The following IL1RAPL1 variants were observed in gnomAD, a reference collection of about 807,000 sequenced individuals.
IL1RAPL1 encodes the protein interleukin 1 receptor accessory protein like 1.
In IL1RAPL1, 3 loss-of-function variants were observed where a neutral mutation model predicts 48.4. The ratio of observed to expected loss-of-function variants is 0.06; its 90% CI spans 0.03 to 0.16. The LOEUF (loss-of-function observed/expected upper bound fraction) is 0.16, where lower values mean the gene tolerates loss of function less well. Among genes scored for constraint, IL1RAPL1 ranks in the 10% least tolerant of loss-of-function variants. The pLI is 1.00. For missense variants in IL1RAPL1, 349 were observed against 530.6 expected, an observed-to-expected ratio of 0.66 and a Z score of 3.36; for synonymous variants, 185 against 187.7, an observed-to-expected ratio of 0.99 and a Z score of 0.12.
chrX:28,844,637 T>C (rs1357986512), intron 2 of IL1RAPL1, among the ~76,000 whole-genome samples: 1 of 110,961 alleles, frequency 9.0e-6, no homozygotes, highest in African/African-American at 3.3e-5. Context: ...TCTAAGAAGA[T>C]GTAATAAGTC....
chrX:29,909,739 G>T (rs1257236936), intron 6 of IL1RAPL1, among the ~76,000 whole-genome samples: 2 of 109,866 alleles, frequency 1.8e-5, no homozygotes, highest in Non-Finnish European at 3.8e-5. Flanking sequence ...AAGTTTCAGT[G>T]CTATGATTAA....
chrX:29,746,940 A>T (rs1298106340), intron 6 of IL1RAPL1, among the ~76,000 whole-genome samples: 2 of 112,439 alleles, frequency 1.8e-5, no homozygotes, highest in East Asian at 5.5e-4. Flanking sequence ...ATGAAACCCT[A>T]TATTAAAAAA....
chrX:29,735,857 G>A (rs1057280796), intron 6 of IL1RAPL1, among the ~76,000 whole-genome samples: 1 of 112,329 alleles, frequency 8.9e-6, no homozygotes, highest in Non-Finnish European at 1.9e-5. Flanking sequence ...TCCCCCAATG[G>A]AAAATCAGTT....
intron 5 of IL1RAPL1, among the ~76,000 whole-genome samples, chrX:29,422,767 G>A (rs1934305885): frequency 9.0e-6 from 1 of 111,379 alleles, no homozygotes; most frequent in South Asian, 3.8e-4. Context: ...GTAAATGCTA[G>A]TTTCCTCCCT....
At chrX:28,852,032 A>G (rs1316561458) in intron 2 of IL1RAPL1, among the ~76,000 whole-genome samples, 1 of 111,873 alleles carries the variant, frequency 8.9e-6, no homozygotes, top group Non-Finnish European at 1.9e-5. Context: ...TTAAAATGCC[A>G]ATAGGAGGTA....
At chrX:28,956,591 C>G (rs1369343816) in intron 2 of IL1RAPL1, among the ~76,000 whole-genome samples, 16 of 101,084 alleles carry the variant, frequency 1.6e-4, no homozygotes, top group Middle Eastern at 4.5e-3. Context: ...TTGAACCAGC[C>G]TTGCATCCCA....
chrX:28,780,193 A>G (rs1316156113), intron 1 of IL1RAPL1, among the ~76,000 whole-genome samples: 1 of 111,206 alleles, frequency 9.0e-6, no homozygotes, highest in Non-Finnish European at 1.9e-5. Context: ...CCACCTTTCC[A>G]TGGAAAGGAT....
intron 2 of IL1RAPL1, among the ~76,000 whole-genome samples, chrX:29,185,987 A>T (rs1335787176): frequency 1.8e-5 from 2 of 111,916 alleles, no homozygotes; most frequent in East Asian, 5.6e-4. Flanking sequence ...AAATAGTTTT[A>T]GTTTTACTTC....
At chrX:29,810,983 C>T (rs973878763) in intron 6 of IL1RAPL1, among the ~76,000 whole-genome samples, 2 of 111,138 alleles carry the variant, frequency 1.8e-5, no homozygotes, top group African/African-American at 6.5e-5. Flanking sequence ...TTTAAATATC[C>T]CAAGACTTTG....
Position 28,951,385 on chromosome X carries a change from T to G in IL1RAPL1, c.82+161960T>G, listed in dbSNP as rs1043648214. Among the ~76,000 whole-genome samples the G allele has an allele frequency of 4.1e-5, 4 of 97,249 alleles. No individual in the cohort carries two copies. In the East Asian group the frequency reaches 1.3e-3, roughly 31 times the overall value. 84.4% of individuals were successfully genotyped at this position (97,249 alleles called of 115,157 possible). On this transcript the variant is annotated intron_variant, in intron 2 of 10. Transcript: ENST00000378993. ...ATCCTTCAATTATTCTAACTTCATA[T>G]AAATGTATTGGAATCCATGATAAAT...
At chrX:29,746,296 A>C (rs1039845123) in intron 6 of IL1RAPL1, among the ~76,000 whole-genome samples, 1 of 112,295 alleles carries the variant, frequency 8.9e-6, no homozygotes, top group Non-Finnish European at 1.9e-5. Flanking sequence ...TGAATTATTA[A>C]TACATTAGCA....
At chrX:29,489,483 T>G (rs1453156522) in intron 5 of IL1RAPL1, among the ~76,000 whole-genome samples, 1 of 112,210 alleles carries the variant, frequency 8.9e-6, no homozygotes. Flanking sequence ...CAAAAATTAT[T>G]AAAAGTTTTA....
intron 6 of IL1RAPL1, among the ~76,000 whole-genome samples, chrX:29,711,859 A>G (rs1176779630): frequency 9.0e-6 from 1 of 111,486 alleles, no homozygotes; most frequent in African/African-American, 3.3e-5. Flanking sequence ...ATAAACGATC[A>G]TTTAGTCAAT....
chrX:28,812,291 T>C (rs989922470), intron 2 of IL1RAPL1, among the ~76,000 whole-genome samples: 4 of 110,981 alleles, frequency 3.6e-5, no homozygotes, highest in African/African-American at 1.3e-4. Flanking sequence ...ATTTAACCTT[T>C]CTTTTTAATT....
chrX:29,018,993 A>G (rs778870804), intron 2 of IL1RAPL1, among the ~76,000 whole-genome samples: 1 of 112,095 alleles, frequency 8.9e-6, no homozygotes, highest in South Asian at 3.7e-4. Context: ...CAGGAAACTT[A>G]CAATCATGGC....
At chrX:29,031,891 C>T (rs908092098) in intron 2 of IL1RAPL1, among the ~76,000 whole-genome samples, 2 of 111,326 alleles carry the variant, frequency 1.8e-5, no homozygotes, top group Admixed American at 9.5e-5. Context: ...TTAAAGTTCT[C>T]GGAATGTAAG....
intron 2 of IL1RAPL1, among the ~76,000 whole-genome samples, chrX:29,206,794 A>C (rs1930674866): frequency 8.9e-6 from 1 of 111,910 alleles, no homozygotes; most frequent in Admixed American, 9.6e-5. Context: ...AAAAGATAAA[A>C]AAATGTAAAA....
At chrX:29,553,679 G>A (rs907535093) in intron 5 of IL1RAPL1, among the ~76,000 whole-genome samples, 6 of 111,066 alleles carry the variant, frequency 5.4e-5, no homozygotes, top group Non-Finnish European at 1.1e-4. Context: ...CTGTATTATG[G>A]AGAACACTCA....
intron 2 of IL1RAPL1, among the ~76,000 whole-genome samples, chrX:28,867,744 GT>G (rs1009966469): frequency 4.0e-4 from 44 of 110,634 alleles, no homozygotes; most frequent in Admixed American, 3.9e-3. Flanking sequence ...TATACTTTGG[GT>G]TTTTTTTCAG....
Sources: gnomAD v4.1 joint callset for allele counts (sites outside exome capture counted in the v4.1 genomes callset) on GRCh38, gnomAD v4.1.1 for gene constraint, MANE v1.5 for transcripts, NCBI Gene and HGNC (gene_info 2026-07-23, HGNC 2026-07-21) for gene names.